The following FARP2 variants were observed in gnomAD, a reference collection of about 807,000 sequenced individuals.
FARP2 encodes the protein FERM, ARHGEF and pleckstrin domain-containing protein 2.
Under a neutral mutation model 130.5 loss-of-function variants are expected in FARP2, and 111 were observed. That is an observed-to-expected ratio of 0.85 (90% CI 0.73 to 1.00). FARP2 has a LOEUF of 1.00. Ranked by LOEUF, FARP2 falls within the 50% of genes least tolerant of loss-of-function variation. FARP2 has a pLI of 0.00. For synonymous variants in FARP2, 504 were observed against 516.9 expected, an observed-to-expected ratio of 0.98 and a Z score of 0.34; for missense variants, 1,385 against 1,346.3, an observed-to-expected ratio of 1.03 and a Z score of -0.45.
intron 2 of FARP2, among the ~76,000 whole-genome samples, chr2:241,387,519 C>T (rs148887945): frequency 3.3e-5 from 5 of 152,230 alleles, no homozygotes; most frequent in South Asian, 2.1e-4. Context: ...ATTGGCCAGA[C>T]GCAGTGGCTC....
At chr2:241,460,585 G>T (rs1281895627) in intron 14 of FARP2, among the ~76,000 whole-genome samples, 1 of 152,176 alleles carries the variant, frequency 6.6e-6, no homozygotes, top group South Asian at 2.1e-4. Context: ...GCCAAGAAAA[G>T]ACTTTGTAAA....
chr2:241,466,573 C>A, intron 17 of FARP2: 6 of 985,390 alleles, frequency 6.1e-6, no homozygotes, highest in Non-Finnish European at 7.2e-6. Flanking sequence ...CCGCTAGAAG[C>A]CTAGCGAGTG....
At chr2:241,480,304 C>G (rs147244483) in intron 19 of FARP2, among the ~76,000 whole-genome samples, 1 of 152,334 alleles carries the variant, frequency 6.6e-6, no homozygotes, top group African/African-American at 2.4e-5. Flanking sequence ...TTAGGACTTA[C>G]CACCTCCTCT....
chr2:241,377,010 G>T (rs1414367453), intron 2 of FARP2, among the ~76,000 whole-genome samples: 1 of 152,220 alleles, frequency 6.6e-6, no homozygotes, highest in East Asian at 1.9e-4. Flanking sequence ...CAGACTTTAA[G>T]AATGTTTTGA....
intron 2 of FARP2, among the ~76,000 whole-genome samples, chr2:241,383,846 C>T (rs905663499): frequency 4.6e-5 from 7 of 152,006 alleles, no homozygotes; most frequent in Admixed American, 1.3e-4. Flanking sequence ...GGTTTGGGGC[C>T]ATGTGGAGTC....
chr2:241,366,104 A>ATATATATATAT (rs1553705628), intron 1 of FARP2, among the ~76,000 whole-genome samples: 6 of 57,014 alleles, frequency 1.1e-4, no homozygotes, highest in East Asian at 3.6e-4. Flanking sequence ...AAAAAAAAAA[A>ATATATATATAT]ATATATATAT....
In FARP2 at chr2:241,356,329, T is replaced by A. The variant is rs562952681; in HGVS notation, c.-84T>A. 6.6e-6 allele frequency: 1 copy of A among 152,282 alleles called. No homozygotes were observed. The highest frequency in any genetic ancestry group is 1.5e-5 in the Non-Finnish European group (1 of 68,054). 9.4% of individuals were successfully genotyped at this position (152,282 alleles called of 1,614,324 possible). On this transcript the variant is annotated 5_prime_UTR_variant, in exon 1 of 27. Coordinates refer to ENST00000264042, the MANE Select transcript of FARP2 (RefSeq NM_014808.4). ...CGACGCGAGTCTGGCGGCTGCTGCT[T>A]GCGACTGCGGAGGCCGGGCGAGGCC... is the stretch of plus-strand genomic sequence containing the variant.
intron 13 of FARP2, among the ~76,000 whole-genome samples, chr2:241,450,756 T>G (rs1332086281): frequency 6.6e-6 from 1 of 152,100 alleles, no homozygotes; most frequent in Non-Finnish European, 1.5e-5. Context: ...GGCTAGGAAT[T>G]TGAGACCAAC....
chr2:241,437,666 A>ATTTTTTTT (rs1243876155), intron 12 of FARP2, among the ~76,000 whole-genome samples: 1,473 of 128,508 alleles, frequency 0.011, 17 homozygotes, highest in Admixed American at 0.027. Context: ...TTATTTATTT[A>ATTTTTTTT]TTTATTTTTT....
At chr2:241,364,112 C>T (rs1421985843) in intron 1 of FARP2, among the ~76,000 whole-genome samples, 1 of 152,172 alleles carries the variant, frequency 6.6e-6, no homozygotes, top group Non-Finnish European at 1.5e-5. Context: ...CTAGATTATC[C>T]AGGTGGGCCT....
intron 21 of FARP2, among the ~76,000 whole-genome samples, chr2:241,486,963 C>T (rs558992829): frequency 2.0e-5 from 3 of 152,294 alleles, no homozygotes; most frequent in Admixed American, 6.5e-5. Context: ...CCCATCATTT[C>T]ACTTTGCATC....
chr2:241,418,238 G>C lies in FARP2; in HGVS notation c.771+129G>C, dbSNP rs534331991. On this transcript the variant is annotated intron_variant, in intron 8 of 26. Coordinates refer to ENST00000264042, the MANE Select transcript of FARP2 (RefSeq NM_014808.4). Reference sequence around the variant, plus strand: ...GTACGGGCCTCGATTTGGAAGAGGGGCTTTGCATATCATCCAATCCAACCT... The same window carrying C: ...GTACGGGCCTCGATTTGGAAGAGGGCCTTTGCATATCATCCAATCCAACCT... 6 of 908,544 alleles carry C rather than the reference G, an allele frequency of 6.6e-6. No individual in the cohort carries two copies. The Admixed American group carries it at 1.4e-4, about 22-fold the overall frequency. The allele number at this position is 908,544 out of a possible 1,614,324, so 56.3% of individuals were successfully genotyped here.
At chr2:241,359,683 G>A (rs1033186983) in intron 1 of FARP2, among the ~76,000 whole-genome samples, 3 of 152,184 alleles carry the variant, frequency 2.0e-5, no homozygotes, top group Non-Finnish European at 2.9e-5. Context: ...GCAGTGGGCA[G>A]GTAGTACTGG....
At chr2:241,387,011 A>G (rs2061799844) in intron 2 of FARP2, 1 of 151,922 alleles carries the variant, frequency 6.6e-6, no homozygotes, top group South Asian at 2.1e-4. Context: ...TCCTTCTTTT[A>G]TTTTCAGCCT....
At chr2:241,389,749 T>C (rs753176521) in intron 2 of FARP2, among the ~76,000 whole-genome samples, 7 of 152,240 alleles carry the variant, frequency 4.6e-5, no homozygotes, top group Non-Finnish European at 8.8e-5. Flanking sequence ...TAGTTTTTAA[T>C]ATCTGTTTCT....
At chr2:241,470,613 G>A (rs1400955829) in intron 18 of FARP2, among the ~76,000 whole-genome samples, 4 of 151,382 alleles carry the variant, frequency 2.6e-5, no homozygotes, top group African/African-American at 9.7e-5. Context: ...CTTCTGAGGG[G>A]GACCCTTTTT....
At position 241,460,286 on chromosome 2, in the gene FARP2, G is replaced by T. The variant is rs370316966; in HGVS notation, c.1588-2237G>T. On this transcript the variant is annotated intron_variant, in intron 14 of 26. Coordinates refer to ENST00000264042, the MANE Select transcript of FARP2 (RefSeq NM_014808.4). Reference sequence around the variant, plus strand: ...GCATATCAAGCTCAGGTGGAGAAATGACTTCTTTTTTTAGAGATGGGGTCC... The same window carrying T: ...GCATATCAAGCTCAGGTGGAGAAATTACTTCTTTTTTTAGAGATGGGGTCC... Among the ~76,000 whole-genome samples, 97 of 152,240 alleles carry T rather than the reference G, an allele frequency of 6.4e-4. No homozygotes were observed. The South Asian group carries it at 0.015, about 23-fold the overall frequency.
intron 8 of FARP2, among the ~76,000 whole-genome samples, chr2:241,425,549 C>T (rs577221517): frequency 8.2e-5 from 12 of 146,700 alleles, no homozygotes; most frequent in African/African-American, 1.3e-4. Flanking sequence ...TAGAAAGCAA[C>T]GGGGCTTTCC....
intron 12 of FARP2, among the ~76,000 whole-genome samples, chr2:241,438,012 T>A (rs577774933): frequency 6.6e-6 from 1 of 152,304 alleles, no homozygotes; most frequent in South Asian, 2.1e-4. Flanking sequence ...TTTCACCATG[T>A]TGGCCAGGCT....
Sources: gnomAD v4.1 joint callset for allele counts (sites outside exome capture counted in the v4.1 genomes callset) on GRCh38, gnomAD v4.1.1 for gene constraint, MANE v1.5 for transcripts, NCBI Gene and HGNC (gene_info 2026-07-23, HGNC 2026-07-21) for gene names.